The following ZNF385D variants were observed in gnomAD, a reference collection of about 807,000 sequenced individuals.
ZNF385D encodes the protein zinc finger protein 385D, also known as zinc finger protein 659.
Under a neutral mutation model 35.8 loss-of-function variants are expected in ZNF385D, and 15 were observed. That is an observed-to-expected ratio of 0.42 (90% confidence interval 0.28 to 0.64). The LOEUF is 0.64. Ranked by LOEUF, ZNF385D falls within the 30% of genes least tolerant of loss-of-function variation. The pLI, the probability that ZNF385D is intolerant of heterozygous loss-of-function variation, is 0.23. For missense variants in ZNF385D, 474 were observed against 494.6 expected, an observed-to-expected ratio of 0.96 and a Z score of 0.39; for synonymous variants, 212 against 186.8, an observed-to-expected ratio of 1.13 and a Z score of -1.10.
intron 3 of ZNF385D, among the ~76,000 whole-genome samples, chr3:21,875,456 G>T (rs968576168): frequency 6.6e-6 from 1 of 151,884 alleles, no homozygotes; most frequent in African/African-American, 2.4e-5. Context: ...CTACATTGCT[G>T]CTTCAGTTTA....
chr3:21,565,214 C>G (rs1281380836), intron 2 of ZNF385D, among the ~76,000 whole-genome samples: 1 of 151,926 alleles, frequency 6.6e-6, no homozygotes, highest in Non-Finnish European at 1.5e-5. Context: ...TTAATTAAGT[C>G]ATTCAGCAAT....
At chr3:22,062,891 G>A (rs577929385) in intron 3 of ZNF385D, among the ~76,000 whole-genome samples, 2 of 152,302 alleles carry the variant, frequency 1.3e-5, no homozygotes, top group East Asian at 3.9e-4. Context: ...TCATGAAAAT[G>A]TATCCTTCAG....
At chr3:22,197,408 T>C (rs1296144831) in intron 2 of ZNF385D, among the ~76,000 whole-genome samples, 1 of 152,100 alleles carries the variant, frequency 6.6e-6, no homozygotes, top group Non-Finnish European at 1.5e-5. Context: ...CCAGATATTT[T>C]AGTGAGTTGT....
intron 3 of ZNF385D, among the ~76,000 whole-genome samples, chr3:21,915,107 A>G (rs1685636912): frequency 6.6e-6 from 1 of 151,736 alleles, no homozygotes; most frequent in Non-Finnish European, 1.5e-5. Context: ...CACCTTACAT[A>G]CTTCTCTGTG....
chr3:22,333,013 T>C (rs1351896730), intron 2 of ZNF385D, among the ~76,000 whole-genome samples: 1 of 152,158 alleles, frequency 6.6e-6, no homozygotes, highest in Non-Finnish European at 1.5e-5. Flanking sequence ...CAGGTTCTCA[T>C]ACATTTTCTT....
At chr3:21,968,979 G>C (rs1421372795) in intron 3 of ZNF385D, among the ~76,000 whole-genome samples, 3 of 152,170 alleles carry the variant, frequency 2.0e-5, no homozygotes, top group Non-Finnish European at 4.4e-5. Flanking sequence ...TTGGGCCAGA[G>C]GAGAACCCAT....
chr3:21,783,618 T>C (rs1049159216), intron 3 of ZNF385D, among the ~76,000 whole-genome samples: 3 of 152,234 alleles, frequency 2.0e-5, no homozygotes, highest in East Asian at 1.9e-4. Flanking sequence ...TTCAGTCTCA[T>C]TGCATTCAGA....
chr3:22,355,878 A>G (rs1263860645), intron 2 of ZNF385D, among the ~76,000 whole-genome samples: 1 of 152,010 alleles, frequency 6.6e-6, no homozygotes, highest in East Asian at 1.9e-4. Context: ...ATTTATTTTC[A>G]GGTCATAAAA....
chr3:21,919,431 T>C (rs753724757), intron 3 of ZNF385D, among the ~76,000 whole-genome samples: 5 of 152,198 alleles, frequency 3.3e-5, no homozygotes, highest in African/African-American at 9.7e-5. Flanking sequence ...CATTTACCAA[T>C]AGTCACTGAA....
At chr3:21,926,559 A>C (rs933065603) in intron 3 of ZNF385D, among the ~76,000 whole-genome samples, 1 of 152,100 alleles carries the variant, frequency 6.6e-6, no homozygotes, top group South Asian at 2.1e-4. Context: ...GTTGGTTCCA[A>C]GTCTTTGCTA....
Position 21,984,550 on chromosome 3 carries a change from G to A in ZNF385D, c.325+184267C>T, listed in dbSNP as rs1393587582. 3.3e-5 allele frequency among the ~76,000 whole-genome samples: 4 copies of A among 122,460 alleles called. No homozygotes were observed. In the East Asian group the frequency reaches 9.6e-4, roughly 29 times the overall value. 80.3% of individuals were successfully genotyped at this position (122,460 alleles called of 152,430 possible). Reference sequence around the variant, plus strand: ...ATCTCTGTTTTGGTACCAGTACCATGCTGTTTTGGTTACTGTAGCCTTGTA... The same window carrying A: ...ATCTCTGTTTTGGTACCAGTACCATACTGTTTTGGTTACTGTAGCCTTGTA... On this transcript the variant is annotated intron_variant, in intron 3 of 5. Transcript: ENST00000494108.
chr3:21,807,491 C>G (rs1470677794), intron 3 of ZNF385D, among the ~76,000 whole-genome samples: 1 of 152,026 alleles, frequency 6.6e-6, no homozygotes, highest in African/African-American at 2.4e-5. Flanking sequence ...ACAGAAACTA[C>G]AAAATTAAGA....
At chr3:21,893,957 A>T (rs1238493179) in intron 3 of ZNF385D, among the ~76,000 whole-genome samples, 3 of 152,204 alleles carry the variant, frequency 2.0e-5, no homozygotes, top group Non-Finnish European at 4.4e-5. Context: ...ATTGCCTTAG[A>T]TAACTTACAA....
chr3:21,630,613 G>T (rs2065253492), intron 2 of ZNF385D, among the ~76,000 whole-genome samples: 1 of 151,976 alleles, frequency 6.6e-6, no homozygotes, highest in African/African-American at 2.4e-5. Flanking sequence ...CATCTTTTTG[G>T]GCCTCACTCT....
At chr3:21,506,230 G>A (rs1324350407) in intron 4 of ZNF385D, among the ~76,000 whole-genome samples, 1 of 147,998 alleles carries the variant, frequency 6.8e-6, no homozygotes, top group African/African-American at 2.5e-5. Context: ...CCACTAAAAA[G>A]CTCTAAGAGC....
chr3:21,629,253 C>T (rs190089228), intron 2 of ZNF385D, among the ~76,000 whole-genome samples: 8 of 152,056 alleles, frequency 5.3e-5, no homozygotes, highest in African/African-American at 7.2e-5. Flanking sequence ...CAAAAATGTG[C>T]GGTATTCTGT....
intron 3 of ZNF385D, among the ~76,000 whole-genome samples, chr3:21,524,712 C>T (rs1708120707): frequency 6.6e-6 from 1 of 152,088 alleles, no homozygotes. Context: ...GTCCTCCAAA[C>T]CTGGCAGTAA....
chr3:21,724,573 A>G (rs1028948486), intron 1 of ZNF385D, among the ~76,000 whole-genome samples: 1 of 151,374 alleles, frequency 6.6e-6, no homozygotes, highest in African/African-American at 2.4e-5. Context: ...AACAAAGATC[A>G]AAAGAGACAA....
At chr3:21,637,108 G>C (rs1006552345) in intron 2 of ZNF385D, among the ~76,000 whole-genome samples, 1 of 151,972 alleles carries the variant, frequency 6.6e-6, no homozygotes. Flanking sequence ...TTTTAATTAA[G>C]TCCCACCTAT....
Sources: gnomAD v4.1 joint callset for allele counts (sites outside exome capture counted in the v4.1 genomes callset) on GRCh38, gnomAD v4.1.1 for gene constraint, MANE v1.5 for transcripts, NCBI Gene and HGNC (gene_info 2026-07-23, HGNC 2026-07-21) for gene names.